Variants in TSHR observed in about 807,000 individuals in gnomAD.
The protein encoded by TSHR is thyroid stimulating hormone receptor.
TSHR carries 51 observed loss-of-function variants against 64.1 expected under a neutral mutation model. The observed-to-expected ratio is 0.80, with a 90% CI of 0.64 to 1.01. The LOEUF is 1.01. Ranked by LOEUF, TSHR falls within the 50% of genes least tolerant of loss-of-function variation. The pLI is 0.00. For missense variants in TSHR, 877 were observed against 942.8 expected (o/e 0.93, Z 0.91); for synonymous variants, 361 against 361.9 (o/e 1.00, Z 0.03).
intron 8 of TSHR, among the ~76,000 whole-genome samples, chr14:81,130,873 C>G (rs1158661562): frequency 7.8e-6 from 1 of 128,742 alleles, no homozygotes; most frequent in Non-Finnish European, 1.5e-5. Context: ...TGCCTGTAGT[C>G]CCAGCTACTC....
intron 8 of TSHR, among the ~76,000 whole-genome samples, chr14:81,113,828 G>A (rs951906386): frequency 6.6e-6 from 1 of 152,006 alleles, no homozygotes. Flanking sequence ...TGAGAATATA[G>A]GTGACACTGA....
chr14:81,008,811 C>A (rs915649878), intron 1 of TSHR, among the ~76,000 whole-genome samples: 20 of 152,174 alleles, frequency 1.3e-4, no homozygotes. Flanking sequence ...CTTTAAATAA[C>A]CCGAACATTA....
intron 1 of TSHR, among the ~76,000 whole-genome samples, chr14:81,034,577 C>T (rs191464797): frequency 6.4e-4 from 98 of 152,226 alleles, no homozygotes; most frequent in African/African-American, 2.2e-3. Context: ...TTTCTTCTTG[C>T]CCTTTTGTAT....
rs957188499 is a variant in TSHR at position 81,088,062 on chromosome 14, T to TG, written c.392+40dup. 3.3e-6 allele frequency: 5 copies of TG among 1,521,322 alleles called. No individual in the cohort carries two copies. In the African/African-American group the frequency reaches 4.1e-5, roughly 13 times the overall value. The allele number at this position is 1,521,322 out of a possible 1,614,324, so 94.2% of individuals were successfully genotyped here. ...TAAATCCTCTCCCATCCTACTTTTC[T>TG]GGGGGGAGGGGGTCAGATTTAATGC... On this transcript the variant is annotated intron_variant, in intron 4 of 9. Transcript: ENST00000298171.
At chr14:81,102,058 G>A (rs1889616797) in intron 7 of TSHR, among the ~76,000 whole-genome samples, 1 of 151,898 alleles carries the variant, frequency 6.6e-6, no homozygotes, top group African/African-American at 2.4e-5. Flanking sequence ...TGTAGTCCCA[G>A]CTACTCGGGA....
rs1888412524 is a variant in TSHR at position 81,087,953 on chromosome 14, G to A, written c.318-1G>A. 6.2e-7 allele frequency: 1 copy of A among 1,610,546 alleles called. No individual in the cohort carries two copies. Among genetic ancestry groups the A allele is most frequent in the Non-Finnish European group, 8.5e-7 (1 of 1,176,864 alleles). Reference sequence around the variant, plus strand: ...GACTGTGTTCCTTGTAACTTATACAGAGAAATTCGGAATACCAGGAACTTA... The same window carrying A: ...GACTGTGTTCCTTGTAACTTATACAAAGAAATTCGGAATACCAGGAACTTA... On this transcript the variant is annotated splice_acceptor_variant, in intron 3 of 9. Coordinates refer to ENST00000298171, the MANE Select transcript of TSHR (RefSeq NM_000369.5). LOFTEE classifies it high-confidence loss of function.
intron 2 of TSHR, among the ~76,000 whole-genome samples, chr14:81,067,917 C>T (rs1886753852): frequency 1.1e-5 from 1 of 88,552 alleles, no homozygotes; most frequent in African/African-American, 7.5e-5. Flanking sequence ...GAACATTCCA[C>T]AGGGTGACAC....
At chr14:81,068,492 C>A in intron 3 of TSHR, 164 bp downstream of exon 3, 1 of 658,190 alleles carries the variant, frequency 1.5e-6, no homozygotes, top group South Asian at 1.7e-5. Context: ...CATGTTAATT[C>A]ATCTTCATTA....
intron 8 of TSHR, chr14:81,108,981 C>A: frequency 2.3e-6 from 3 of 1,287,600 alleles, no homozygotes; most frequent in African/African-American, 1.5e-5. Flanking sequence ...GATTTACACC[C>A]CCACATCCAA....
chr14:81,137,530 T>C (rs1331680093), intron 8 of TSHR, among the ~76,000 whole-genome samples: 2 of 152,164 alleles, frequency 1.3e-5, no homozygotes, highest in African/African-American at 4.8e-5. Flanking sequence ...GCACCAGACA[T>C]GCCAGTGAAG....
In TSHR at chr14:81,010,637, C is replaced by A. The variant is rs111761197; in HGVS notation, c.171-51511C>A. On this transcript the variant is annotated intron_variant, in intron 1 of 9. Transcript: ENST00000298171. ...CCTACAGGAAAATATATTAAAATAA[C>A]CATTTTTTTCTCCCTTTTCAAAATT... Among the ~76,000 whole-genome samples, 76 of 152,138 alleles carry A rather than the reference C, an allele frequency of 5.0e-4. 4 individuals carry two copies. The highest frequency in any genetic ancestry group is 1.8e-3 in the African/African-American group (73 of 41,528).
intron 3 of TSHR, among the ~76,000 whole-genome samples, chr14:81,076,378 G>A (rs1195162533): frequency 6.6e-6 from 1 of 152,040 alleles, no homozygotes; most frequent in African/African-American, 2.4e-5. Flanking sequence ...CCTGCTATGT[G>A]ATCTTATCTA....
At chr14:80,964,468 G>C (rs1887193131) in intron 1 of TSHR, among the ~76,000 whole-genome samples, 1 of 152,140 alleles carries the variant, frequency 6.6e-6, no homozygotes, top group Admixed American at 6.5e-5. Flanking sequence ...TTTTTGTCCA[G>C]AGCTGAGAAA....
chr14:80,983,685 A>G, intron 1 of TSHR: 1 of 606,686 alleles, frequency 1.6e-6, no homozygotes. Context: ...AAACTCTAGC[A>G]GGCTGTACAT....
chr14:81,097,864 T>C (rs1889312693), intron 7 of TSHR, among the ~76,000 whole-genome samples: 1 of 152,228 alleles, frequency 6.6e-6, no homozygotes, highest in East Asian at 1.9e-4. Flanking sequence ...TACAGTACCA[T>C]TCTCTCGATT....
rs1890042937 is a variant in TSHR at position 81,108,387 on chromosome 14, G to T, written c.627G>T (p.Lys209Asn). Residue 209 changes from lysine to asparagine, a missense_variant, in exon 8 of 10, where the codon AAG becomes AAT. By Grantham distance (94) the Lys-to-Asn change is moderately conservative (BLOSUM62 0). Transcript: ENST00000298171. The stretch of plus-strand genomic sequence containing the variant: ...TCTCTCCCTCTAGTTACCTAAACAA[G>T]AATAAATACCTGACAGTTATTGACA... Reference protein sequence around the residue: ...GTKLDAVYLNKNKYLTVIDKD... With the variant: ...GTKLDAVYLNNNKYLTVIDKD... 1 of 1,612,484 alleles carries T rather than the reference G, an allele frequency of 6.2e-7. No homozygotes were observed. Among genetic ancestry groups the T allele is most frequent in the Non-Finnish European group, 8.5e-7 (1 of 1,179,374 alleles).
chr14:81,007,878 G>A (rs1035952612), intron 1 of TSHR, among the ~76,000 whole-genome samples: 31 of 152,278 alleles, frequency 2.0e-4, no homozygotes, highest in African/African-American at 5.1e-4. Context: ...AGTTTTAACC[G>A]TCTTAGCGTT....
At chr14:81,008,675 T>C (rs537339864) in intron 1 of TSHR, among the ~76,000 whole-genome samples, 1 of 152,342 alleles carries the variant, frequency 6.6e-6, no homozygotes, top group African/African-American at 2.4e-5. Flanking sequence ...GAATTATCCT[T>C]AAAATGTGAA....
intron 8 of TSHR, among the ~76,000 whole-genome samples, chr14:81,115,375 T>G (rs1255480974): frequency 6.9e-5 from 10 of 144,890 alleles, no homozygotes; most frequent in Admixed American, 1.3e-4. Flanking sequence ...GAGAACTACA[T>G]GAAGAATGCA....
Sources: allele counts gnomAD v4.1 joint callset (sites outside exome capture counted in the v4.1 genomes callset), GRCh38; gene constraint gnomAD v4.1.1; transcripts MANE v1.5; gene names NCBI Gene and HGNC (gene_info 2026-07-23, HGNC 2026-07-21).